PDE4D: variants seen among roughly 807,000 people sequenced by gnomAD.
PDE4D encodes phosphodiesterase 4D, also known as 3',5'-cyclic-AMP phosphodiesterase 4D.
In PDE4D, 24 loss-of-function variants were observed where a neutral mutation model predicts 87.4. The observed-to-expected ratio is 0.27, with a 90% confidence interval of 0.20 to 0.39. The LOEUF (loss-of-function observed/expected upper bound fraction) is 0.39, where lower values mean the gene tolerates loss of function less well. Among genes scored for constraint, PDE4D ranks in the 10% least tolerant of loss-of-function variants. The probability of loss-of-function intolerance (pLI) is 1.00; values close to 1 mark genes in which losing one functional copy is unlikely to be tolerated. For synonymous variants in PDE4D, 384 were observed against 383.2 expected, an observed-to-expected ratio of 1.00 and a Z score of -0.02; for missense variants, 714 against 1,041.0, an observed-to-expected ratio of 0.69 and a Z score of 4.32.
At chr5:60,413,141 T>C (rs115234582) in intron 1 of PDE4D, among the ~76,000 whole-genome samples, 1 of 152,296 alleles carries the variant, frequency 6.6e-6, no homozygotes, top group Non-Finnish European at 1.5e-5. Context: ...GTTCATGCTA[T>C]CAACAGTTTT....
intron 2 of PDE4D, among the ~76,000 whole-genome samples, chr5:60,176,914 G>A (rs1582974205): frequency 6.6e-6 from 1 of 152,062 alleles, no homozygotes; most frequent in Non-Finnish European, 1.5e-5. Flanking sequence ...TGGAGTAAAG[G>A]GCCTGGAAAC....
intron 1 of PDE4D, among the ~76,000 whole-genome samples, chr5:59,477,678 A>G (rs1335176554): frequency 6.6e-6 from 1 of 152,112 alleles, no homozygotes; most frequent in East Asian, 1.9e-4. Context: ...GTACCATTCA[A>G]CCTAGCAATC....
intron 6 of PDE4D, among the ~76,000 whole-genome samples, chr5:59,012,691 C>A (rs1753074484): frequency 6.6e-6 from 1 of 152,176 alleles, no homozygotes; most frequent in African/African-American, 2.4e-5. Context: ...TAGACTTCTA[C>A]ACAATAATAA....
intron 2 of PDE4D, among the ~76,000 whole-genome samples, chr5:60,107,400 T>G (rs1777104608): frequency 6.6e-6 from 1 of 152,118 alleles, no homozygotes; most frequent in Admixed American, 6.5e-5. Flanking sequence ...CAGGACCAGA[T>G]GGATTCACAG....
At chr5:59,431,112 C>T (rs183041781) in intron 1 of PDE4D, among the ~76,000 whole-genome samples, 3 of 151,958 alleles carry the variant, frequency 2.0e-5, no homozygotes, top group Admixed American at 2.0e-4. Context: ...TTTTTTTCCT[C>T]GTTTAAAACA....
chr5:59,222,005 T>A (rs947621995), intron 1 of PDE4D, among the ~76,000 whole-genome samples: 3 of 152,192 alleles, frequency 2.0e-5, no homozygotes, highest in African/African-American at 7.2e-5. Context: ...CCTGCTGCAT[T>A]CAGAAGTGTT....
chr5:59,988,427 C>T (rs1762658122), intron 3 of PDE4D: 1 of 1,117,058 alleles, frequency 9.0e-7, no homozygotes, highest in Non-Finnish European at 1.3e-6. Context: ...ACTCAAAAGA[C>T]CACAGACAAC....
At chr5:59,205,917 T>G (rs921830643) in intron 2 of PDE4D, among the ~76,000 whole-genome samples, 1 of 152,124 alleles carries the variant, frequency 6.6e-6, no homozygotes, top group Non-Finnish European at 1.5e-5. Context: ...ACTGGTGAAA[T>G]GATTTCTTGT....
At chr5:59,954,206 G>A (rs980174277) in intron 3 of PDE4D, among the ~76,000 whole-genome samples, 2 of 152,200 alleles carry the variant, frequency 1.3e-5, no homozygotes, top group South Asian at 2.1e-4. Flanking sequence ...TTACAGGCAT[G>A]AGCCACCACA....
At chr5:59,564,619 G>A (rs1049539725) in intron 1 of PDE4D, among the ~76,000 whole-genome samples, 2 of 152,190 alleles carry the variant, frequency 1.3e-5, no homozygotes, top group Non-Finnish European at 2.9e-5. Flanking sequence ...TAAAGTGGAA[G>A]AACTGACCAG....
At chr5:59,665,327 T>C (rs1477404927) in intron 1 of PDE4D, among the ~76,000 whole-genome samples, 2 of 152,242 alleles carry the variant, frequency 1.3e-5, no homozygotes, top group Non-Finnish European at 2.9e-5. Context: ...CTGAGGACTA[T>C]TATTGATCCT....
intron 5 of PDE4D, among the ~76,000 whole-genome samples, chr5:59,088,766 A>G (rs1260745827): frequency 6.6e-6 from 1 of 152,174 alleles, no homozygotes; most frequent in Admixed American, 6.5e-5. Flanking sequence ...GAGGGAAACA[A>G]CAGACACTGT....
At chr5:59,481,567 C>T (rs989006152) in intron 1 of PDE4D, among the ~76,000 whole-genome samples, 1 of 152,096 alleles carries the variant, frequency 6.6e-6, no homozygotes, top group Admixed American at 6.6e-5. Flanking sequence ...TCTATGGGTG[C>T]ATTTGGGTGG....
chr5:60,401,405 A>G (rs1741071521), intron 1 of PDE4D, among the ~76,000 whole-genome samples: 1 of 152,260 alleles, frequency 6.6e-6, no homozygotes, highest in Non-Finnish European at 1.5e-5. Context: ...ACCTTTCACG[A>G]ACATCTTTCT....
chr5:60,388,622 G>T (rs1406353336), intron 1 of PDE4D, among the ~76,000 whole-genome samples: 1 of 152,086 alleles, frequency 6.6e-6, no homozygotes, highest in Admixed American at 6.5e-5. Context: ...TGCTGAGGAT[G>T]ATGGCTTCCA....
At chr5:59,258,560 T>G (rs1761392554) in intron 1 of PDE4D, among the ~76,000 whole-genome samples, 2 of 151,360 alleles carry the variant, frequency 1.3e-5, no homozygotes, top group Non-Finnish European at 3.0e-5. Flanking sequence ...TAAAAGTATA[T>G]TTATTTCTTA....
chr5:58,975,207 T>C lies in PDE4D; in HGVS notation c.2014-127A>G, dbSNP rs988538011. ...GACTACTAAACTTAGTTTGGTAAAATTGTCACTATTTTCAACAACAACAGA... is the reference window on the plus strand; with the variant it reads ...GACTACTAAACTTAGTTTGGTAAAACTGTCACTATTTTCAACAACAACAGA... On this transcript the variant is annotated intron_variant, in intron 14 of 14. Coordinates refer to ENST00000340635, the MANE Select transcript of PDE4D (RefSeq NM_001104631.2). This position sits in a 1 kb window ranked among gnomAD's most constrained non-coding sequence, Gnocchi z 4.2. 7 of 527,142 alleles carry C rather than the reference T, an allele frequency of 1.3e-5. No homozygotes were observed. Among genetic ancestry groups the C allele is most frequent in the African/African-American group, 7.7e-5 (4 of 52,092 alleles). The allele number at this position is 527,142 out of a possible 1,614,324, so 32.7% of individuals were successfully genotyped here. A position where few individuals can be genotyped will look rare whatever the true frequency, so the allele number is the denominator to read the frequency against.
intron 3 of PDE4D, among the ~76,000 whole-genome samples, chr5:59,975,167 T>A (rs1018121698): frequency 5.3e-5 from 8 of 152,174 alleles, no homozygotes; most frequent in Non-Finnish European, 1.0e-4. Flanking sequence ...AGTTTCTCAT[T>A]CACTGAAAAC....
intron 1 of PDE4D, among the ~76,000 whole-genome samples, chr5:59,255,498 G>A (rs1031153062): frequency 1.3e-5 from 2 of 152,030 alleles, no homozygotes; most frequent in African/African-American, 4.8e-5. Flanking sequence ...GTAGTAAAAT[G>A]TTCTACATTG....
Sources: allele counts gnomAD v4.1 joint callset (sites outside exome capture counted in the v4.1 genomes callset), GRCh38; gene constraint gnomAD v4.1.1; non-coding constraint Gnocchi (gnomAD v3.1); transcripts MANE v1.5; gene names NCBI Gene and HGNC (gene_info 2026-07-23, HGNC 2026-07-21).